The following LRRIQ3 variants were observed in gnomAD, a reference collection of about 807,000 sequenced individuals.
The protein encoded by LRRIQ3 is leucine rich repeats and IQ motif containing 3.
A neutral mutation model predicts 59.3 loss-of-function variants in LRRIQ3; 75 were observed. The observed-to-expected ratio is 1.26, with a 90% CI of 1.05 to 1.53. The LOEUF (loss-of-function observed/expected upper bound fraction) is 1.53. LRRIQ3 is among the 40% of genes most tolerant of loss of function. The pLI, the probability that LRRIQ3 is intolerant of heterozygous loss-of-function variation, is 0.00. For missense variants in LRRIQ3, 831 were observed against 710.0 expected (o/e 1.17, Z -1.94); for synonymous variants, 250 against 231.3 (o/e 1.08, Z -0.73).
intron 3 of LRRIQ3, among the ~76,000 whole-genome samples, chr1:74,176,376 T>G (rs574588041): frequency 1.3e-5 from 2 of 152,178 alleles, no homozygotes; most frequent in South Asian, 2.1e-4. Context: ...CTTTCTTGTT[T>G]TCCAGATTTT....
intron 4 of LRRIQ3, among the ~76,000 whole-genome samples, chr1:74,131,293 C>T (rs778301260): frequency 1.3e-4 from 20 of 151,964 alleles, no homozygotes; most frequent in Non-Finnish European, 1.8e-4. Context: ...TTCTACTAGA[C>T]GTACAAGGAG....
intron 5 of LRRIQ3, among the ~76,000 whole-genome samples, chr1:74,106,150 A>C (rs1646609228): frequency 6.6e-6 from 1 of 152,080 alleles, no homozygotes; most frequent in African/African-American, 2.4e-5. Context: ...GGTATTGCTC[A>C]AGTTCTAAGA....
At chr1:74,086,615 G>A (rs1646329971) in intron 5 of LRRIQ3, among the ~76,000 whole-genome samples, 1 of 152,050 alleles carries the variant, frequency 6.6e-6, no homozygotes, top group East Asian at 1.9e-4. Context: ...TAAAGTGTAT[G>A]TTTAAGTTTT....
At chr1:74,147,347 T>C (rs1336038777) in intron 4 of LRRIQ3, among the ~76,000 whole-genome samples, 1 of 152,200 alleles carries the variant, frequency 6.6e-6, no homozygotes, top group Non-Finnish European at 1.5e-5. Flanking sequence ...ATGAAATAAA[T>C]AAATTTTTCT....
intron 5 of LRRIQ3, among the ~76,000 whole-genome samples, chr1:74,096,422 C>T (rs1171356747): frequency 6.6e-6 from 1 of 151,846 alleles, no homozygotes; most frequent in African/African-American, 2.4e-5. Flanking sequence ...AAAACTGGAC[C>T]AATTATAGGA....
chr1:74,041,962 A>T, intron 6 of LRRIQ3, 29 bp from the exon 7 acceptor site: 1 of 1,522,122 alleles, frequency 6.6e-7, no homozygotes, highest in Non-Finnish European at 8.8e-7. Context: ...AATATTATAC[A>T]TTATACAAGA....
intron 6 of LRRIQ3, among the ~76,000 whole-genome samples, chr1:74,063,288 C>A (rs1353946814): frequency 6.6e-6 from 1 of 151,888 alleles, no homozygotes; most frequent in Non-Finnish European, 1.5e-5. Context: ...TTTAAAATTT[C>A]TTGATTCTTT....
intron 3 of LRRIQ3, among the ~76,000 whole-genome samples, chr1:74,159,472 A>C (rs1469315099): frequency 6.6e-6 from 1 of 152,108 alleles, no homozygotes; most frequent in Non-Finnish European, 1.5e-5. Flanking sequence ...ATGTCAATCA[A>C]TTTATTCTTG....
At chr1:74,190,924 C>T (rs2100741874) in intron 1 of LRRIQ3, among the ~76,000 whole-genome samples, 1 of 152,162 alleles carries the variant, frequency 6.6e-6, no homozygotes, top group Non-Finnish European at 1.5e-5. Flanking sequence ...AGGGGAAACC[C>T]CTTTCACTTG....
chr1:74,044,529 T>A (rs751615470), intron 6 of LRRIQ3, among the ~76,000 whole-genome samples: 4 of 151,896 alleles, frequency 2.6e-5, no homozygotes, highest in Non-Finnish European at 5.9e-5. Flanking sequence ...ATCTAAAATT[T>A]ACACCCTAAT....
chr1:74,088,865 G>T (rs900938067), intron 5 of LRRIQ3, among the ~76,000 whole-genome samples: 1 of 151,918 alleles, frequency 6.6e-6, no homozygotes, highest in Non-Finnish European at 1.5e-5. Context: ...ATACCATTGA[G>T]AAAGTGAAAA....
chr1:74,084,358 T>C, intron 5 of LRRIQ3: 1 of 723,308 alleles, frequency 1.4e-6, no homozygotes, highest in South Asian at 2.4e-5. Flanking sequence ...TAGGTGCTCA[T>C]GAATTCTAAT....
chr1:74,127,719 T>C (rs1646956731), intron 4 of LRRIQ3, among the ~76,000 whole-genome samples: 1 of 151,936 alleles, frequency 6.6e-6, no homozygotes, highest in African/African-American at 2.4e-5. Flanking sequence ...ATAGTTATCT[T>C]CTAGGTTGTT....
At chr1:74,162,367 G>A (rs1285832058) in intron 3 of LRRIQ3, among the ~76,000 whole-genome samples, 1 of 151,760 alleles carries the variant, frequency 6.6e-6, no homozygotes, top group Non-Finnish European at 1.5e-5. Context: ...AGGAATTATA[G>A]TAAAGGCTTA....
intron 3 of LRRIQ3, among the ~76,000 whole-genome samples, chr1:74,162,094 G>A (rs1648694423): frequency 6.6e-6 from 1 of 151,734 alleles, no homozygotes; most frequent in South Asian, 2.1e-4. Context: ...GATAACGATG[G>A]TACAACTCAC....
At chr1:74,044,199 T>G (rs1654131367) in intron 6 of LRRIQ3, among the ~76,000 whole-genome samples, 1 of 152,228 alleles carries the variant, frequency 6.6e-6, no homozygotes, top group Admixed American at 6.6e-5. Context: ...CCTAGCCTAC[T>G]ATTTTGCACA....
chr1:74,098,657 A>T (rs1646485298), intron 5 of LRRIQ3, among the ~76,000 whole-genome samples: 1 of 152,158 alleles, frequency 6.6e-6, no homozygotes, highest in South Asian at 2.1e-4. Context: ...GTTGCAAGTA[A>T]AGCACTCCTC....
In LRRIQ3 at chr1:74,041,728, C is replaced by T. The variant is rs780341738; in HGVS notation, c.1203G>A (p.Glu401=). The change falls in exon 7 of 8, where the codon GAG becomes GAA. Residue 401 remains glutamate, a synonymous_variant. Coordinates refer to ENST00000354431, the MANE Select transcript of LRRIQ3 (RefSeq NM_001105659.2). ...GTGCAAAAAACTCTTTCATACTCCG[C>T]TCCAATCGTATGTCTTTTTTAATGA... ...KPIIKKDIRL[E]RSMKEFFAPQ... 6.2e-7 allele frequency: 1 copy of T among 1,613,640 alleles called. No individual in the cohort carries two copies. Among genetic ancestry groups the T allele is most frequent in the Non-Finnish European group, 8.5e-7 (1 of 1,179,756 alleles).
At position 74,085,273 on chromosome 1, in the gene LRRIQ3, A is replaced by T. The variant is rs368724352; in HGVS notation, c.868-10483T>A. Among the ~76,000 whole-genome samples the T allele has an allele frequency of 2.0e-5, 3 of 150,476 alleles. No homozygotes were observed. The South Asian group carries it at 6.2e-4, about 31-fold the overall frequency. ...CAGATACTATTTTAAATAAATAAAT[A>T]TTTTTTGAGTGCATCCTATGTGCGT... On this transcript the variant is annotated intron_variant, in intron 5 of 7. Transcript: ENST00000354431.
Sources: allele counts gnomAD v4.1 joint callset (sites outside exome capture counted in the v4.1 genomes callset), GRCh38; gene constraint gnomAD v4.1.1; transcripts MANE v1.5; gene names NCBI Gene and HGNC (gene_info 2026-07-23, HGNC 2026-07-21).